NAA11: variants seen among roughly 807,000 people sequenced by gnomAD.
NAA11 encodes the protein N-alpha-acetyltransferase 11, NatA catalytic subunit.
NAA11 carries 15 observed loss-of-function variants against 16.1 expected under a neutral mutation model. That is an observed-to-expected ratio of 0.93 (90% CI 0.62 to 1.44). The LOEUF (loss-of-function observed/expected upper bound fraction) is 1.44. Among genes scored for constraint, NAA11 ranks in the 40% most tolerant of loss-of-function variants. NAA11 has a pLI of 0.00. For missense variants in NAA11, 298 were observed against 291.3 expected (o/e 1.02, Z -0.17); for synonymous variants, 122 against 112.4 (o/e 1.09, Z -0.54).
chr4:79,268,574 C>G (rs1334908266), intron 2 of NAA11, among the ~76,000 whole-genome samples: 1 of 152,032 alleles, frequency 6.6e-6, no homozygotes, highest in African/African-American at 2.4e-5. Flanking sequence ...ATACTGACTC[C>G]AAAAGAAGTG....
the NAA11 span, among the ~76,000 whole-genome samples, chr4:79,183,665 T>TA: frequency 2.0e-5 from 3 of 152,016 alleles, no homozygotes; most frequent in Non-Finnish European, 4.4e-5. Flanking sequence ...CTTTTTTTTT[T>TA]ATCATTGGCT....
At chr4:79,212,899 T>C in the NAA11 span, among the ~76,000 whole-genome samples, 1 of 152,156 alleles carries the variant, frequency 6.6e-6, no homozygotes, top group Non-Finnish European at 1.5e-5. Flanking sequence ...GAAGGACTAC[T>C]GTATTATAAT....
the NAA11 span, among the ~76,000 whole-genome samples, chr4:79,176,956 A>G: frequency 6.6e-6 from 1 of 152,132 alleles, no homozygotes; most frequent in Admixed American, 6.5e-5. Flanking sequence ...CTGTTGTCCC[A>G]TGCTATTTCT....
chr4:79,185,958 C>T, the NAA11 span, among the ~76,000 whole-genome samples: 12 of 152,152 alleles, frequency 7.9e-5, no homozygotes, highest in South Asian at 1.9e-3. Context: ...TGACAACCAC[C>T]GCCCCACATT....
chr4:79,271,328 T>G (rs1189689177), intron 2 of NAA11, among the ~76,000 whole-genome samples: 6 of 145,436 alleles, frequency 4.1e-5, no homozygotes, highest in Admixed American at 7.0e-5. Flanking sequence ...ACAAGGGATG[T>G]GAAGGACCTC....
At chr4:79,247,664 C>T (rs1721870968) in intron 2 of NAA11, among the ~76,000 whole-genome samples, 1 of 152,048 alleles carries the variant, frequency 6.6e-6, no homozygotes, top group African/African-American at 2.4e-5. Flanking sequence ...TGAGAGCAGA[C>T]AGAGGGAGGA....
chr4:79,261,933 C>T (rs936110601), intron 2 of NAA11, among the ~76,000 whole-genome samples: 6 of 152,024 alleles, frequency 3.9e-5, no homozygotes, highest in South Asian at 2.1e-4. Flanking sequence ...CCTACATATC[C>T]GTCTATAATC....
intron 2 of NAA11, among the ~76,000 whole-genome samples, chr4:79,279,768 A>G (rs960160325): frequency 2.0e-5 from 3 of 152,108 alleles, no homozygotes; most frequent in Admixed American, 2.0e-4. Context: ...GCAGAACATC[A>G]CTGTTTTCTA....
At chr4:79,211,204 A>G in the NAA11 span, among the ~76,000 whole-genome samples, 1,010 of 152,306 alleles carry the variant, frequency 6.6e-3, 14 homozygotes, top group African/African-American at 0.023. Flanking sequence ...GTAGTTTTAT[A>G]TGCATGCAAT....
At chr4:79,191,862 G>A in the NAA11 span, among the ~76,000 whole-genome samples, 8 of 152,184 alleles carry the variant, frequency 5.3e-5, no homozygotes, top group South Asian at 2.1e-4. Context: ...TATTGTATAC[G>A]GTGTAAGAGG....
At chr4:79,209,594 T>C in the NAA11 span, among the ~76,000 whole-genome samples, 1 of 152,192 alleles carries the variant, frequency 6.6e-6, no homozygotes, top group Non-Finnish European at 1.5e-5. Context: ...ATTGTCCTGA[T>C]AAATTTTAAT....
At chr4:79,188,272 G>A in the NAA11 span, among the ~76,000 whole-genome samples, 1 of 152,060 alleles carries the variant, frequency 6.6e-6, no homozygotes, top group Non-Finnish European at 1.5e-5. Context: ...TGTAAAAAGA[G>A]CGTTAAAATA....
chr4:79,316,106 CCTT>C (rs1723919722), downstream of NAA11, among the ~76,000 whole-genome samples: 1 of 152,168 alleles, frequency 6.6e-6, no homozygotes, highest in Admixed American at 6.5e-5. Context: ...TGAGGCTACT[CCTT>C]CTGTTTCTCC....
At chr4:79,157,195 A>G in the NAA11 span, among the ~76,000 whole-genome samples, 2 of 151,934 alleles carry the variant, frequency 1.3e-5, no homozygotes, top group African/African-American at 4.8e-5. Flanking sequence ...ATTTTGTTGC[A>G]CCCATTACCC....
At chr4:79,306,257 C>T (rs1197789195) in intron 1 of NAA11, among the ~76,000 whole-genome samples, 1 of 152,134 alleles carries the variant, frequency 6.6e-6, no homozygotes, top group East Asian at 1.9e-4. Context: ...TAACAAAATA[C>T]CACAGACTGT....
downstream of NAA11, among the ~76,000 whole-genome samples, chr4:79,312,421 C>T (rs1425851617): frequency 3.3e-5 from 5 of 151,936 alleles, no homozygotes; most frequent in Admixed American, 6.6e-5. Flanking sequence ...GAGGCCAAAG[C>T]GGGTAGATCA....
In NAA11 at chr4:79,325,429, T is replaced by C. The variant is rs746384455; in HGVS notation, c.449A>G (p.Asp150Gly). 3.1e-6 allele frequency: 5 copies of C among 1,614,190 alleles called. No homozygotes were observed. Among genetic ancestry groups the C allele is most frequent in the Non-Finnish European group, 4.2e-6 (5 of 1,180,036 alleles). The change falls in exon 1 of 2, where the codon GAT (aspartate) becomes GGT (glycine). Residue 150 changes from aspartate to glycine, a missense_variant. Transcript: ENST00000286794. Reference protein sequence around the residue: ...DGEDAYAMKRDLSQMADELRR... With the variant: ...DGEDAYAMKRGLSQMADELRR... ...CAGCTCATCTGCCATCTGCGAGAGA[T>C]CCCGCTTCATAGCATAAGCATCTTC...
At chr4:79,163,788 CAG>C in the NAA11 span, among the ~76,000 whole-genome samples, 1 of 152,146 alleles carries the variant, frequency 6.6e-6, no homozygotes, top group Admixed American at 6.5e-5. Context: ...CACATTCTGT[CAG>C]GGGTTTGCAG....
the NAA11 span, among the ~76,000 whole-genome samples, chr4:79,202,530 A>ACACACACACACACACG: frequency 2.1e-5 from 3 of 143,046 alleles, no homozygotes; most frequent in Non-Finnish European, 3.1e-5. Context: ...ATACACACAC[A>ACACACACACACACACG]CACACACACA....
Sources: allele counts gnomAD v4.1 joint callset (sites outside exome capture counted in the v4.1 genomes callset), GRCh38; gene constraint gnomAD v4.1.1; transcripts MANE v1.5; gene names NCBI Gene and HGNC (gene_info 2026-07-23, HGNC 2026-07-21).